CCDC18: variants seen among roughly 807,000 people sequenced by gnomAD.
CCDC18 encodes coiled-coil domain containing 18, also known as coiled-coil domain-containing protein 18.
CCDC18 carries 157 observed loss-of-function variants against 196.0 expected under a neutral mutation model. The ratio of observed to expected loss-of-function variants is 0.80; its 90% confidence interval spans 0.70 to 0.91. The LOEUF (loss-of-function observed/expected upper bound fraction) is 0.91, where lower values mean the gene tolerates loss of function less well. Ranked by LOEUF, CCDC18 falls within the 40% of genes least tolerant of loss-of-function variation. The pLI is 0.00. For synonymous variants in CCDC18, 482 were observed against 529.2 expected (o/e 0.91, Z 1.22); for missense variants, 1,465 against 1,611.6 (o/e 0.91, Z 1.56).
In CCDC18 at chr1:93,184,043, A is replaced by G; in HGVS notation, c.200A>G (p.Asp67Gly). Reference protein sequence around the residue: ...NPSRSEKLILDVQPSHPGLLN... With the variant: ...NPSRSEKLILGVQPSHPGLLN... ...TCAAGGTCTGAAAAGCTAATTTTGG[A>G]TGTTCAGCCTAGCCACCCTGGACTT... The change falls in exon 3 of 29, where the codon GAT becomes GGT. Residue 67 changes from aspartate to glycine, a missense_variant. Transcript: ENST00000690025. 1 of 1,589,220 alleles carries G rather than the reference A, an allele frequency of 6.3e-7. No homozygotes were observed. The highest frequency in any genetic ancestry group is 1.1e-5 in the South Asian group (1 of 87,052).
rs1328968377 is a variant in CCDC18, at chr1:93,217,828, C to A, written c.1921C>A (p.His641Asn). Residue 641 changes from histidine to asparagine, a missense_variant, in exon 14 of 29, where the codon CAC becomes AAC. Physicochemically the swap from His to Asn is moderately conservative, Grantham distance 68. Coordinates refer to ENST00000690025, the MANE Select transcript of CCDC18 (RefSeq NM_001378204.1). ...AGCCTTTGAAAAAGCAAAGAAAATT[C>A]ACTTGGAACAGCATAAAGAAATGGA... ...CLAFEKAKKIHLEQHKEMEKQ... is the reference protein window; with the variant it reads ...CLAFEKAKKINLEQHKEMEKQ... The A allele has an allele frequency of 3.1e-6, 5 of 1,612,088 alleles. No individual in the cohort carries two copies. Among genetic ancestry groups the A allele is most frequent in the Non-Finnish European group, 4.2e-6 (5 of 1,178,466 alleles).
intron 16 of CCDC18, among the ~76,000 whole-genome samples, chr1:93,224,834 T>C (rs1658033955): frequency 6.6e-6 from 1 of 152,232 alleles, no homozygotes; most frequent in South Asian, 2.1e-4. Flanking sequence ...ATCATAGGTT[T>C]TATTTATTTT....
chr1:93,246,082 C>A, intron 21 of CCDC18, 23 bp from the exon 22 acceptor site: 1 of 1,521,226 alleles, frequency 6.6e-7, no homozygotes, highest in South Asian at 1.2e-5. Flanking sequence ...CTGCTTTGAT[C>A]TTTTTCCTTT....
At chr1:93,233,394 ATTC>A (rs1340514617) in intron 18 of CCDC18, among the ~76,000 whole-genome samples, 1 of 152,156 alleles carries the variant, frequency 6.6e-6, no homozygotes, top group African/African-American at 2.4e-5. Flanking sequence ...GATATTTTAC[ATTC>A]TTATTTTGTT....
intron 23 of CCDC18, among the ~76,000 whole-genome samples, chr1:93,250,198 G>GT (rs1662040560): frequency 6.6e-6 from 1 of 151,728 alleles, no homozygotes; most frequent in African/African-American, 2.4e-5. Context: ...GGGCAACATA[G>GT]TGGGACCCTG....
In CCDC18 at chr1:93,214,790, G is replaced by T; in HGVS notation, c.1543G>T (p.Glu515Ter). Residue 515 changes from glutamate (E) to a stop codon, truncating the protein, a stop_gained, in exon 12 of 29, where the codon GAA becomes TAA. Coordinates refer to ENST00000690025, the MANE Select transcript of CCDC18 (RefSeq NM_001378204.1). LOFTEE classifies it high-confidence loss of function. ...QNQHTMNKQY[E>*]KERQRLVTGI... ...TCAACATACTATGAACAAGCAATAT[G>T]AAAAAGAGAGGCAAAGACTTGTTAC... 6.2e-7 allele frequency: 1 copy of T among 1,612,908 alleles called. No individual in the cohort carries two copies. Among genetic ancestry groups the T allele is most frequent in the South Asian group, 1.1e-5 (1 of 91,020 alleles).
At chr1:93,198,288 C>G (rs1187823671) in intron 6 of CCDC18, among the ~76,000 whole-genome samples, 2 of 152,112 alleles carry the variant, frequency 1.3e-5, no homozygotes, top group African/African-American at 4.8e-5. Flanking sequence ...TTATACACAT[C>G]AGTAAAAAAG....
intron 6 of CCDC18, among the ~76,000 whole-genome samples, chr1:93,195,149 G>A (rs1294499605): frequency 1.3e-5 from 2 of 152,196 alleles, no homozygotes; most frequent in Admixed American, 6.5e-5. Context: ...GGAATTACAG[G>A]CGTGAGCCAC....
chr1:93,264,891 T>G lies in CCDC18; in HGVS notation c.3875T>G (p.Leu1292Ter), dbSNP rs907811621. 5 of 1,602,244 alleles carry G rather than the reference T, an allele frequency of 3.1e-6. No individual in the cohort carries two copies. Among genetic ancestry groups the G allele is most frequent in the Non-Finnish European group, 4.3e-6 (5 of 1,169,522 alleles). The change falls in exon 27 of 29, where the codon TTA becomes TGA. Residue 1292 changes from leucine to a stop codon, truncating the protein, a stop_gained. Coordinates refer to ENST00000690025, the MANE Select transcript of CCDC18 (RefSeq NM_001378204.1). LOFTEE classifies it high-confidence loss of function. Reference sequence around the variant, plus strand: ...GTAATTGAAGCTGCAAATGAAGCATTACTTACTAAAGTAAGTAAACATATA... The same window carrying G: ...GTAATTGAAGCTGCAAATGAAGCATGACTTACTAAAGTAAGTAAACATATA... ...NEVIEAANEA[L>*]LTKESELTRL...
intron 21 of CCDC18, among the ~76,000 whole-genome samples, chr1:93,244,806 T>C (rs1023577779): frequency 1.3e-5 from 2 of 152,204 alleles, no homozygotes; most frequent in Non-Finnish European, 2.9e-5. Flanking sequence ...TCCTTGTTCC[T>C]GACATTTTTC....
At chr1:93,183,114 C>G (rs1318216371) in intron 1 of CCDC18, among the ~76,000 whole-genome samples, 3 of 151,994 alleles carry the variant, frequency 2.0e-5, no homozygotes. Flanking sequence ...CAAAAGAGAA[C>G]TATAATAACT....
At chr1:93,274,756 G>A (rs1450460539) in intron 28 of CCDC18, among the ~76,000 whole-genome samples, 1 of 152,178 alleles carries the variant, frequency 6.6e-6, no homozygotes, top group Non-Finnish European at 1.5e-5. Context: ...GCTGAGGTGG[G>A]AGGATTGCTT....
At chr1:93,183,596 G>A in intron 2 of CCDC18, 101 bp downstream of exon 2, 3 of 800,778 alleles carry the variant, frequency 3.7e-6, no homozygotes, top group Non-Finnish European at 5.4e-6. Flanking sequence ...CCTGCCTCTG[G>A]AATAAGAAAT....
At chr1:93,223,548 A>T (rs1281193643) in intron 16 of CCDC18, among the ~76,000 whole-genome samples, 1 of 152,204 alleles carries the variant, frequency 6.6e-6, no homozygotes, top group Non-Finnish European at 1.5e-5. Context: ...GAAAGTTATA[A>T]GGGTCAGTTT....
At chr1:93,218,628 G>C (rs986491981) in intron 14 of CCDC18, among the ~76,000 whole-genome samples, 5 of 151,972 alleles carry the variant, frequency 3.3e-5, no homozygotes, top group Non-Finnish European at 2.9e-5. Context: ...TCCTGCCTCA[G>C]CCTCCTGAGT....
intron 16 of CCDC18, 141 bp downstream of exon 16, chr1:93,222,077 C>G (rs1037832439): frequency 1.8e-6 from 1 of 566,094 alleles, no homozygotes; most frequent in South Asian, 2.5e-5. Context: ...TCAAGTAATC[C>G]TCCCACATGA....
chr1:93,207,546 T>G, intron 9 of CCDC18, 148 bp downstream of exon 9: 1 of 606,760 alleles, frequency 1.6e-6, no homozygotes, highest in South Asian at 3.1e-5. Context: ...AAATCTCTAT[T>G]TTTTTTCCTG....
Position 93,205,608 on chromosome 1 carries a change from T to G in CCDC18, c.894T>G (p.Leu298=), listed in dbSNP as rs1019872510. 6 of 1,592,322 alleles carry G rather than the reference T, an allele frequency of 3.8e-6. No individual in the cohort carries two copies. In the African/African-American group the frequency reaches 8.2e-5, roughly 22 times the overall value. ...QERCGLYKSE[L]EILKEKLRQL... ...GGTGTGGTCTATATAAAAGTGAACT[T>G]GAAATTCTGAAAGAGAAATTAAGGT... is the stretch of plus-strand genomic sequence containing the variant. The change falls in exon 8 of 29, where the codon CTT becomes CTG. Residue 298 remains leucine, a synonymous_variant. Transcript: ENST00000690025.
chr1:93,192,469 G>A (rs749353456), intron 5 of CCDC18, among the ~76,000 whole-genome samples: 19 of 152,340 alleles, frequency 1.2e-4, no homozygotes, highest in East Asian at 7.7e-4. Context: ...GTCTCACTGC[G>A]TCACCTAGGC....
Sources: gnomAD v4.1 joint callset for allele counts (sites outside exome capture counted in the v4.1 genomes callset) on GRCh38, gnomAD v4.1.1 for gene constraint, MANE v1.5 for transcripts, NCBI Gene and HGNC (gene_info 2026-07-23, HGNC 2026-07-21) for gene names.